WDR19: variants seen among roughly 807,000 people sequenced by gnomAD.
WDR19 encodes WD repeat-containing protein 19.
Under a neutral mutation model 180.0 loss-of-function variants are expected in WDR19, and 121 were observed. The ratio of observed to expected loss-of-function variants is 0.67; its 90% CI spans 0.58 to 0.78. WDR19 has a LOEUF of 0.78. Ranked by LOEUF, WDR19 falls within the 30% of genes least tolerant of loss-of-function variation. The pLI, the probability that WDR19 is intolerant of heterozygous loss-of-function variation, is 0.00. For synonymous variants in WDR19, 497 were observed against 540.7 expected (o/e 0.92, Z 1.12); for missense variants, 1,450 against 1,640.7 (o/e 0.88, Z 2.01).
intron 24 of WDR19, among the ~76,000 whole-genome samples, chr4:39,249,476 G>A (rs1732906887): frequency 6.6e-6 from 1 of 151,936 alleles, no homozygotes; most frequent in Non-Finnish European, 1.5e-5. Flanking sequence ...CTAGCAGAAG[G>A]CAAGAAATAA....
intron 19 of WDR19, among the ~76,000 whole-genome samples, chr4:39,233,481 G>A (rs183655690): frequency 7.9e-5 from 12 of 152,264 alleles, no homozygotes; most frequent in African/African-American, 2.9e-4. Context: ...AAATGAGAAT[G>A]AGGTCTTTTA....
chr4:39,248,218 A>G (rs1732747297), intron 24 of WDR19, among the ~76,000 whole-genome samples: 1 of 152,196 alleles, frequency 6.6e-6, no homozygotes, highest in Admixed American at 6.5e-5. Context: ...AAAGAAAAGA[A>G]TTTTCAACCC....
At chr4:39,230,816 TG>T (rs1307178884) in intron 17 of WDR19, among the ~76,000 whole-genome samples, 10 of 152,304 alleles carry the variant, frequency 6.6e-5, no homozygotes, top group Admixed American at 6.5e-4. Flanking sequence ...AATAGATAGA[TG>T]GATGTAATAT....
intron 33 of WDR19, chr4:39,275,446 C>T: frequency 4.7e-6 from 1 of 211,038 alleles, no homozygotes. Context: ...TTGACTCATA[C>T]ACAAGGCATC....
intron 29 of WDR19, among the ~76,000 whole-genome samples, chr4:39,267,141 T>C (rs991445409): frequency 6.6e-6 from 1 of 152,214 alleles, no homozygotes; most frequent in Non-Finnish European, 1.5e-5. Context: ...TGCGACTCAC[T>C]GTGGCTTCCT....
At position 39,189,551 on chromosome 4, in the gene WDR19, T is replaced by A. The variant is rs1462004285; in HGVS notation, c.165-105T>A. The A allele has an allele frequency of 6.6e-6, 7 of 1,068,140 alleles. No individual in the cohort carries two copies. In the East Asian group the frequency reaches 2.1e-4, roughly 31 times the overall value. The allele number at this position is 1,068,140 out of a possible 1,614,324, so 66.2% of individuals were successfully genotyped here. On this transcript the variant is annotated intron_variant, in intron 3 of 36. Transcript: ENST00000399820. ...GTATTTCTCACTTTAGAGAGTTTAT[T>A]ATCTGTTCAAAATAGATTGAATAAT... is the stretch of plus-strand genomic sequence containing the variant.
intron 21 of WDR19, among the ~76,000 whole-genome samples, 167 bp from the exon 22 acceptor site, chr4:39,244,081 T>A (rs531644362): frequency 1.1e-3 from 170 of 149,760 alleles, no homozygotes; most frequent in South Asian, 3.2e-3. Flanking sequence ...TGGGTTTTTT[T>A]AAAAAAAAAA....
At chr4:39,185,682 G>T in intron 1 of WDR19, 44 bp from the exon 2 acceptor site, 1 of 1,521,104 alleles carries the variant, frequency 6.6e-7, no homozygotes, top group South Asian at 1.2e-5. Context: ...ATCAACACTT[G>T]ATTGTATGTT....
At chr4:39,246,297 G>A (rs796114368) in intron 24 of WDR19, among the ~76,000 whole-genome samples, 16 of 152,324 alleles carry the variant, frequency 1.1e-4, no homozygotes, top group African/African-American at 3.8e-4. Context: ...CTTGAGGCCA[G>A]GAGTTTGAGG....
intron 19 of WDR19, among the ~76,000 whole-genome samples, chr4:39,233,633 T>C (rs1731104187): frequency 6.6e-6 from 1 of 152,220 alleles, no homozygotes; most frequent in Non-Finnish European, 1.5e-5. Context: ...ACTTTCCTTT[T>C]ACAAATCATT....
At chr4:39,266,225 A>G in intron 29 of WDR19, 85 bp downstream of exon 29, 1 of 1,263,648 alleles carries the variant, frequency 7.9e-7, no homozygotes, top group Non-Finnish European at 1.1e-6. Flanking sequence ...TGCTTTTACA[A>G]CATAGACATG....
chr4:39,280,619 T>G (rs569337327), intron 36 of WDR19, among the ~76,000 whole-genome samples: 149 of 152,166 alleles, frequency 9.8e-4, no homozygotes, highest in African/African-American at 3.4e-3. Context: ...CAAGCCACTG[T>G]ACTCCAGCCT....
intron 10 of WDR19, 82 bp from the exon 11 acceptor site, chr4:39,215,759 G>T: frequency 2.2e-6 from 3 of 1,375,648 alleles, no homozygotes; most frequent in Non-Finnish European, 2.0e-6. Context: ...TATGTCTCTG[G>T]TAGCTTAAAT....
At chr4:39,185,881 G>T in intron 2 of WDR19, 64 bp downstream of exon 2, 4 of 1,262,634 alleles carry the variant, frequency 3.2e-6, no homozygotes, top group Non-Finnish European at 4.3e-6. Flanking sequence ...CATCTACTCA[G>T]TAGAAGTTTT....
At chr4:39,281,263 A>AGAGAGAGAGAGAGAGAGAGAG (rs57108177) in intron 36 of WDR19, among the ~76,000 whole-genome samples, 36 of 147,182 alleles carry the variant, frequency 2.4e-4, no homozygotes, top group South Asian at 6.5e-4. Context: ...AGAGAGAGAG[A>AGAGAGAGAGAGAGAGAGAGAG]AAGCCTACTA....
intron 26 of WDR19, among the ~76,000 whole-genome samples, chr4:39,254,703 C>T (rs564858694): frequency 7.9e-5 from 12 of 152,144 alleles, no homozygotes; most frequent in South Asian, 2.1e-4. Flanking sequence ...CGTTGTTATG[C>T]GGCCATCACC....
intron 6 of WDR19, 65 bp from the exon 7 acceptor site, chr4:39,203,577 A>G: frequency 1.5e-6 from 2 of 1,325,406 alleles, no homozygotes; most frequent in Admixed American, 3.9e-5. Flanking sequence ...TATCCATTCT[A>G]TTAATATTCA....
chr4:39,226,418 T>A (rs181241495), intron 15 of WDR19, among the ~76,000 whole-genome samples: 4 of 152,364 alleles, frequency 2.6e-5, no homozygotes, highest in Admixed American at 1.3e-4. Context: ...GTAAATAGGA[T>A]GATGCATGTA....
At position 39,240,288 on chromosome 4, in the gene WDR19, TA is replaced by T; in HGVS notation, c.2378del (p.Asn793MetfsTer10). On this transcript the variant is annotated frameshift_variant, in exon 21 of 37. Transcript: ENST00000399820. LOFTEE classifies it high-confidence loss of function. ...TATTTTTTTTTCAGGGGTGATTATG[TA>T]AATGCTTTGGCTCATTATGAGAAAG... ...AIQLEFAGDYVNALAHYEKGI... is the reference protein window; with the variant it reads ...AIQLEFAGDYXNALAHYEKGI... The T allele has an allele frequency of 7.1e-7, 1 of 1,414,820 alleles. No individual in the cohort carries two copies. 87.6% of individuals were successfully genotyped at this position (1,414,820 alleles called of 1,614,324 possible).
Sources: gnomAD v4.1 joint callset for allele counts (sites outside exome capture counted in the v4.1 genomes callset) on GRCh38, gnomAD v4.1.1 for gene constraint, MANE v1.5 for transcripts, NCBI Gene and HGNC (gene_info 2026-07-23, HGNC 2026-07-21) for gene names.